Variants in JARID2 observed in about 807,000 individuals in gnomAD.
The protein encoded by JARID2 is protein Jumonji.
In JARID2, 21 loss-of-function variants were observed where a neutral mutation model predicts 125.6. The observed-to-expected ratio is 0.17, with a 90% confidence interval of 0.12 to 0.24. The LOEUF (loss-of-function observed/expected upper bound fraction) is 0.24. JARID2 is among the 10% of genes least tolerant of loss of function. The probability of loss-of-function intolerance (pLI) is 1.00; values close to 1 mark genes in which losing one functional copy is unlikely to be tolerated. For synonymous variants in JARID2, 736 were observed against 661.6 expected (o/e 1.11, Z -1.73); for missense variants, 1,303 against 1,639.6 (o/e 0.79, Z 3.55).
At chr6:15,265,908 C>T (rs3748063) in intron 1 of JARID2, among the ~76,000 whole-genome samples, 12,027 of 152,194 alleles carry the variant, frequency 0.079, 544 homozygotes, top group East Asian at 0.15. Flanking sequence ...AGGGCATGGG[C>T]GGTGGCTGGT....
At chr6:15,250,027 C>G (rs1206016531) in intron 1 of JARID2, among the ~76,000 whole-genome samples, 1 of 152,188 alleles carries the variant, frequency 6.6e-6, no homozygotes, top group Non-Finnish European at 1.5e-5. Flanking sequence ...GGCTTCACCA[C>G]TATTTGATCA....
intron 5 of JARID2, among the ~76,000 whole-genome samples, chr6:15,475,658 G>A (rs1331416179): frequency 6.6e-6 from 1 of 152,182 alleles, no homozygotes; most frequent in Non-Finnish European, 1.5e-5. Context: ...GAGTGCCTTG[G>A]TGAATAGAAG....
intron 16 of JARID2, among the ~76,000 whole-genome samples, chr6:15,514,571 C>T (rs1011235836): frequency 2.0e-5 from 3 of 152,178 alleles, no homozygotes; most frequent in Admixed American, 6.5e-5. Flanking sequence ...CGTCTCACCC[C>T]GAGTCCTGGC....
At chr6:15,368,305 T>C (rs1764047428) in intron 1 of JARID2, among the ~76,000 whole-genome samples, 1 of 152,172 alleles carries the variant, frequency 6.6e-6, no homozygotes, top group African/African-American at 2.4e-5. Flanking sequence ...ATTGTATCAC[T>C]GGGAGCTGTG....
intron 1 of JARID2, among the ~76,000 whole-genome samples, chr6:15,370,724 C>G (rs1764136831): frequency 6.6e-6 from 1 of 152,140 alleles, no homozygotes; most frequent in East Asian, 1.9e-4. Flanking sequence ...TAGCATTAAA[C>G]TGGAAGGATA....
intron 2 of JARID2, among the ~76,000 whole-genome samples, chr6:15,396,681 G>C (rs1157362026): frequency 2.6e-5 from 4 of 152,124 alleles, no homozygotes. Context: ...ACACAAAATG[G>C]TGTGCAATTT....
intron 2 of JARID2, among the ~76,000 whole-genome samples, chr6:15,376,444 G>A (rs963438606): frequency 2.6e-5 from 4 of 152,240 alleles, no homozygotes; most frequent in Admixed American, 6.5e-5. Flanking sequence ...TGCTTGGTGC[G>A]GTGGTTCATG....
At chr6:15,268,608 C>T (rs566648657) in intron 1 of JARID2, among the ~76,000 whole-genome samples, 3 of 152,154 alleles carry the variant, frequency 2.0e-5, no homozygotes, top group South Asian at 2.1e-4. Context: ...GACAAGCCTC[C>T]GAAGGCCTCT....
At chr6:15,512,007 G>A (rs987938548) in intron 13 of JARID2, among the ~76,000 whole-genome samples, 1 of 152,220 alleles carries the variant, frequency 6.6e-6, no homozygotes, top group Admixed American at 6.5e-5. Flanking sequence ...GTCCTCAGCT[G>A]TGCATGAACC....
rs754586847 is a variant in JARID2, at chr6:15,452,045, G to C, written c.363G>C (p.Gln121His). The part of the protein sequence containing the change: ...LQAQRKFAQS[Q>H]PNSPSTTPVK... ...CACAAAGGAAGTTTGCTCAGTCTCA[G>C]CCGAATAGTCCCAGCACAACTCCAG... Residue 121 changes from glutamine to histidine, a missense_variant, in exon 4 of 18, where the codon CAG becomes CAC. Physicochemically the swap from Gln to His is conservative, Grantham distance 24. This residue lies in a region of JARID2 where 42 missense variants were observed against 35.7 expected (regional missense o/e 1.18). Coordinates refer to ENST00000341776, the MANE Select transcript of JARID2 (RefSeq NM_004973.4). 6.2e-7 allele frequency: 1 copy of C among 1,613,984 alleles called. No individual in the cohort carries two copies. Among genetic ancestry groups the C allele is most frequent in the East Asian group, 2.2e-5 (1 of 44,876 alleles).
At chr6:15,444,721 A>C (rs1767594362) in intron 3 of JARID2, among the ~76,000 whole-genome samples, 1 of 147,954 alleles carries the variant, frequency 6.8e-6, no homozygotes, top group South Asian at 2.1e-4. Context: ...CATTTGCCAG[A>C]CACGAACTGT....
intron 1 of JARID2, among the ~76,000 whole-genome samples, chr6:15,271,361 C>T (rs1026527784): frequency 5.9e-5 from 9 of 152,158 alleles, no homozygotes; most frequent in Non-Finnish European, 8.8e-5. Context: ...GCCTACACTT[C>T]GTGTAGCAAG....
Position 15,501,168 on chromosome 6 carries a change from C to T in JARID2, c.2207C>T (p.Pro736Leu), listed in dbSNP as rs747758924. ...GAGATCCTGGAGAAGCGCAAGGGGC[C>T]GCTGGAAGGCCACACAGAGAACGAC... The part of the protein sequence containing the change: ...EKEILEKRKG[P>L]LEGHTENDHH... The change falls in exon 8 of 18, where the codon CCG (proline) becomes CTG (leucine). Residue 736 changes from proline (P) to leucine (L), a missense_variant. Physicochemically the swap from Pro to Leu is moderately conservative, Grantham distance 98. Transcript: ENST00000341776. 2 of 1,614,102 alleles carry T rather than the reference C, an allele frequency of 1.2e-6. No individual in the cohort carries two copies. Among genetic ancestry groups the T allele is most frequent in the South Asian group, 1.1e-5 (1 of 91,088 alleles).
intron 5 of JARID2, among the ~76,000 whole-genome samples, chr6:15,480,731 T>C (rs1769572775): frequency 6.6e-6 from 1 of 152,212 alleles, no homozygotes; most frequent in African/African-American, 2.4e-5. Flanking sequence ...CAGCAAGTCC[T>C]GGAGGGCGGA....
At chr6:15,412,843 G>GT (rs1765940837) in intron 3 of JARID2, among the ~76,000 whole-genome samples, 1 of 151,974 alleles carries the variant, frequency 6.6e-6, no homozygotes, top group Admixed American at 6.6e-5. Flanking sequence ...TTCTAATAGG[G>GT]TAATGGAATG....
chr6:15,423,119 C>T (rs1466081030), intron 3 of JARID2, among the ~76,000 whole-genome samples: 1 of 152,000 alleles, frequency 6.6e-6, no homozygotes, highest in Non-Finnish European at 1.5e-5. Flanking sequence ...CCTGTCTCAG[C>T]CTCCAAGTAG....
chr6:15,280,572 A>G (rs1476623643), intron 1 of JARID2, among the ~76,000 whole-genome samples: 1 of 151,436 alleles, frequency 6.6e-6, no homozygotes, highest in Admixed American at 6.6e-5. Flanking sequence ...TCAGTAGTAC[A>G]GTTTCTTGTT....
chr6:15,512,111 T>C, intron 13 of JARID2, 97 bp from the exon 14 acceptor site: 1 of 987,136 alleles, frequency 1.0e-6, no homozygotes, highest in Non-Finnish European at 1.5e-6. Context: ...CTTATCTCCT[T>C]GAGAGCAGGC....
chr6:15,404,639 C>CT (rs1234934208), intron 2 of JARID2, among the ~76,000 whole-genome samples: 1 of 151,282 alleles, frequency 6.6e-6, no homozygotes. Context: ...ATGTGATAAC[C>CT]TTGTCTCACA....
Sources: gnomAD v4.1 joint callset for allele counts (sites outside exome capture counted in the v4.1 genomes callset) on GRCh38, gnomAD v4.1.1 for gene constraint, gnomAD v4.1.1 regional missense constraint, MANE v1.5 for transcripts, NCBI Gene and HGNC (gene_info 2026-07-23, HGNC 2026-07-21) for gene names.